Variants in SRGAP1 observed in about 807,000 individuals in gnomAD.
SRGAP1 encodes the protein SLIT-ROBO Rho GTPase-activating protein 1.
SRGAP1 carries 43 observed loss-of-function variants against 121.9 expected under a neutral mutation model. The observed-to-expected ratio is 0.35, with a 90% CI of 0.28 to 0.46. SRGAP1 has a LOEUF of 0.46. Ranked by LOEUF, SRGAP1 falls within the 20% of genes least tolerant of loss-of-function variation. The pLI, the probability that SRGAP1 is intolerant of heterozygous loss-of-function variation, is 1.00. For synonymous variants in SRGAP1, 447 were observed against 485.4 expected, an observed-to-expected ratio of 0.92 and a Z score of 1.04; for missense variants, 1,102 against 1,350.9, an observed-to-expected ratio of 0.82 and a Z score of 2.89.
chr12:64,116,020 C>G (rs1194758023), intron 18 of SRGAP1, 127 bp downstream of exon 18: 6 of 805,054 alleles, frequency 7.5e-6, no homozygotes, highest in Non-Finnish European at 1.2e-5. Context: ...GTTGGGAAGC[C>G]AAGGTTGGAG....
intron 1 of SRGAP1, among the ~76,000 whole-genome samples, chr12:63,892,579 T>C (rs2136298155): frequency 6.6e-6 from 1 of 152,320 alleles, no homozygotes; most frequent in African/African-American, 2.4e-5. Flanking sequence ...CCATGTTCTC[T>C]GCCTCTTGTG....
intron 15 of SRGAP1, among the ~76,000 whole-genome samples, chr12:64,105,984 C>T (rs2036339051): frequency 6.6e-6 from 1 of 152,124 alleles, no homozygotes; most frequent in African/African-American, 2.4e-5. Flanking sequence ...CGTTAAGCTA[C>T]AAAACTCCTG....
chr12:63,944,343 G>A (rs2031968722), intron 1 of SRGAP1, among the ~76,000 whole-genome samples: 4 of 152,176 alleles, frequency 2.6e-5, no homozygotes, highest in Admixed American at 2.6e-4. Context: ...AGGCTGGGAA[G>A]TCCAAGATCA....
At chr12:63,988,325 T>C (rs1032124500) in intron 2 of SRGAP1, among the ~76,000 whole-genome samples, 7 of 152,218 alleles carry the variant, frequency 4.6e-5, no homozygotes, top group Admixed American at 1.3e-4. Flanking sequence ...AACATTTACC[T>C]TGTTATATAG....
intron 8 of SRGAP1, among the ~76,000 whole-genome samples, chr12:64,073,335 A>C (rs777246433): frequency 1.3e-5 from 2 of 152,232 alleles, no homozygotes; most frequent in African/African-American, 4.8e-5. Context: ...CCATGTGTGC[A>C]TTTGATAATG....
chr12:63,934,156 T>C (rs377617451), intron 1 of SRGAP1, among the ~76,000 whole-genome samples: 15 of 152,196 alleles, frequency 9.9e-5, no homozygotes, highest in African/African-American at 3.4e-4. Context: ...TTCCTACTTA[T>C]GTCAGTTAAT....
Position 64,056,421 on chromosome 12 carries a change from T to A in SRGAP1, c.802-6496T>A, listed in dbSNP as rs549933692. Among the ~76,000 whole-genome samples the A allele has an allele frequency of 4.0e-4, 61 of 151,856 alleles. 1 individual carries two copies. In the South Asian group the frequency reaches 0.01, roughly 25 times the overall value. On this transcript the variant is annotated intron_variant, in intron 6 of 21. Coordinates refer to ENST00000355086, the MANE Select transcript of SRGAP1 (RefSeq NM_020762.4). ...TGCAAAAATTAGCTGGGCATGATAC[T>A]AGGTGCCTGTAATCCCAACTAGTTG... is the stretch of plus-strand genomic sequence containing the variant.
intron 10 of SRGAP1, among the ~76,000 whole-genome samples, chr12:64,086,045 C>G (rs2035931361): frequency 6.6e-6 from 1 of 152,242 alleles, no homozygotes; most frequent in Non-Finnish European, 1.5e-5. Context: ...CCATTCCCAA[C>G]AAGCCAGCTT....
chr12:63,965,952 G>A (rs1455602851), intron 1 of SRGAP1, among the ~76,000 whole-genome samples: 1 of 152,162 alleles, frequency 6.6e-6, no homozygotes, highest in Non-Finnish European at 1.5e-5. Flanking sequence ...CCAAGTAGCT[G>A]GGATTTACAG....
At chr12:64,091,421 TA>T (rs772360112) in intron 12 of SRGAP1, 43 bp downstream of exon 12, 1 of 1,440,990 alleles carries the variant, frequency 6.9e-7, no homozygotes, top group Admixed American at 1.7e-5. Context: ...CCATGCTTCT[TA>T]CTATAATGGT....
At chr12:63,979,038 C>CTTTTTTTTTTT (rs34235730) in intron 1 of SRGAP1, among the ~76,000 whole-genome samples, 1 of 82,154 alleles carries the variant, frequency 1.2e-5, no homozygotes, top group Non-Finnish European at 2.2e-5. Flanking sequence ...ACCCTTTGAC[C>CTTTTTTTTTTT]TTTTTTTTTT....
chr12:64,006,934 T>C (rs2034103855), intron 3 of SRGAP1, among the ~76,000 whole-genome samples: 1 of 152,172 alleles, frequency 6.6e-6, no homozygotes, highest in Admixed American at 6.5e-5. Flanking sequence ...AGCTGATGGA[T>C]CTTTAGCTTA....
chr12:63,871,762 T>C, intron 1 of SRGAP1: 1 of 1,192,980 alleles, frequency 8.4e-7, no homozygotes, highest in African/African-American at 1.5e-5. Context: ...ACTTGGTCCT[T>C]TCTTTTCTTA....
chr12:64,108,259 C>A (rs2036377222), intron 15 of SRGAP1, among the ~76,000 whole-genome samples: 1 of 152,142 alleles, frequency 6.6e-6, no homozygotes, highest in Admixed American at 6.5e-5. Context: ...GGTAGCATAA[C>A]ACTAGTCTCA....
rs544398254 is a variant in SRGAP1, at chr12:64,104,628, G to A, written c.1814-4304G>A. ...AGCTCCTGTAGGATACACATTGCGC[G>A]CCTGTTGAGCAGCCAGCCAGGTAGA... On this transcript the variant is annotated intron_variant, in intron 15 of 21. Coordinates refer to ENST00000355086, the MANE Select transcript of SRGAP1 (RefSeq NM_020762.4). Among the ~76,000 whole-genome samples, 108 of 152,278 alleles carry A rather than the reference G, an allele frequency of 7.1e-4. 1 individual carries two copies. The highest frequency in any genetic ancestry group is 1.1e-3 in the Non-Finnish European group (76 of 68,028).
chr12:64,086,577 A>G (rs1407017711), intron 10 of SRGAP1, among the ~76,000 whole-genome samples: 1 of 152,210 alleles, frequency 6.6e-6, no homozygotes, highest in African/African-American at 2.4e-5. Context: ...GAACCCTCCC[A>G]ACTGTATTTG....
At chr12:64,114,540 AG>A (rs1189987195) in intron 17 of SRGAP1, among the ~76,000 whole-genome samples, 3 of 151,986 alleles carry the variant, frequency 2.0e-5, no homozygotes, top group Non-Finnish European at 2.9e-5. Context: ...TAGCAGAGAC[AG>A]GGTTTCACCA....
chr12:63,904,710 C>G (rs887074932), intron 1 of SRGAP1, among the ~76,000 whole-genome samples: 1 of 152,154 alleles, frequency 6.6e-6, no homozygotes, highest in South Asian at 2.1e-4. Flanking sequence ...TTGGGAGGAT[C>G]GCTTGAGTCC....
At chr12:64,055,291 T>G (rs1162790) in intron 6 of SRGAP1, among the ~76,000 whole-genome samples, 72,232 of 132,604 alleles carry the variant, frequency 0.54, 19,727 homozygotes, top group South Asian at 0.64. Context: ...GAATCCAACT[T>G]ACAAGGGATG....
Sources: gnomAD v4.1 joint callset for allele counts (sites outside exome capture counted in the v4.1 genomes callset) on GRCh38, gnomAD v4.1.1 for gene constraint, MANE v1.5 for transcripts, NCBI Gene and HGNC (gene_info 2026-07-23, HGNC 2026-07-21) for gene names.